TBC1D1: variants seen among roughly 807,000 people sequenced by gnomAD.
TBC1D1 encodes the protein TBC1 (tre-2/USP6, BUB2, cdc16) domain family, member 1.
Under a neutral mutation model 125.6 loss-of-function variants are expected in TBC1D1, and 89 were observed. The observed-to-expected ratio is 0.71, with a 90% CI of 0.60 to 0.85. The LOEUF (loss-of-function observed/expected upper bound fraction) is 0.85, where lower values mean the gene tolerates loss of function less well. Among genes scored for constraint, TBC1D1 ranks in the 40% least tolerant of loss-of-function variants. The probability of loss-of-function intolerance (pLI) is 0.00; values close to 1 mark genes in which losing one functional copy is unlikely to be tolerated. For missense variants in TBC1D1, 1,377 were observed against 1,469.2 expected, an observed-to-expected ratio of 0.94 and a Z score of 1.03; for synonymous variants, 565 against 564.1, an observed-to-expected ratio of 1.00 and a Z score of -0.02.
intron 2 of TBC1D1, among the ~76,000 whole-genome samples, chr4:38,009,225 A>T (rs1740965975): frequency 6.6e-6 from 1 of 151,976 alleles, no homozygotes; most frequent in African/African-American, 2.4e-5. Context: ...ATTACGTAGC[A>T]TTTTTTTTGT....
At chr4:38,094,170 C>G (rs766572873) in intron 13 of TBC1D1, among the ~76,000 whole-genome samples, 2 of 151,982 alleles carry the variant, frequency 1.3e-5, no homozygotes, top group East Asian at 1.9e-4. Context: ...TCTGAGCTTT[C>G]AAGAGATGGT....
chr4:38,108,996 T>A (rs955139877), intron 15 of TBC1D1, among the ~76,000 whole-genome samples: 3 of 152,154 alleles, frequency 2.0e-5, no homozygotes, highest in Non-Finnish European at 4.4e-5. Flanking sequence ...AGCAGCATCG[T>A]GCACTTTGAG....
chr4:38,044,477 G>A lies in TBC1D1; in HGVS notation c.1529G>A (p.Ser510Asn), dbSNP rs1415467854. 1 of 1,610,608 alleles carries A rather than the reference G, an allele frequency of 6.2e-7. No homozygotes were observed. The highest frequency in any genetic ancestry group is 1.3e-5 in the African/African-American group (1 of 74,882). The change falls in exon 9 of 20, where the codon AGT (serine) becomes AAT (asparagine). Residue 510 changes from serine (S) to asparagine (N), a missense_variant. Physicochemically the swap from Ser to Asn is conservative, Grantham distance 46. Coordinates refer to ENST00000261439, the MANE Select transcript of TBC1D1 (RefSeq NM_015173.4). ...AGATCTTTAACAGAGTCTTTAGAAA[G>A]TATTTTGTCCCGGGTAAGTAGCATA...
intron 2 of TBC1D1, among the ~76,000 whole-genome samples, chr4:37,907,643 C>T (rs1717616902): frequency 6.6e-6 from 1 of 152,144 alleles, no homozygotes; most frequent in African/African-American, 2.4e-5. Context: ...CCTTTGAGTC[C>T]ATGGTAAGTA....
At position 38,014,926 on chromosome 4, in the gene TBC1D1, A is replaced by G. The variant is rs913023618; in HGVS notation, c.835A>G (p.Ile279Val). ...GAACCACCTCATTAGCGGACACAAT[A>G]TTGTGCAGCCCACAGATATCGAGGA... The change falls in exon 3 of 20, where the codon ATT becomes GTT. Residue 279 changes from isoleucine (I) to valine (V), a missense_variant. By Grantham distance (29) the Ile-to-Val change is conservative (BLOSUM62 3). Coordinates refer to ENST00000261439, the MANE Select transcript of TBC1D1 (RefSeq NM_015173.4). This position sits in a 1 kb window ranked among gnomAD's most constrained non-coding sequence, Gnocchi z 5.1. 2.5e-6 allele frequency: 4 copies of G among 1,581,866 alleles called. No homozygotes were observed. The highest frequency in any genetic ancestry group is 3.4e-6 in the Non-Finnish European group (4 of 1,160,194).
intron 17 of TBC1D1, among the ~76,000 whole-genome samples, chr4:38,119,087 G>C (rs1763443622): frequency 6.6e-6 from 1 of 152,054 alleles, no homozygotes; most frequent in Non-Finnish European, 1.5e-5. Context: ...AAAAATGATA[G>C]TTATTATATA....
At chr4:38,100,788 A>G (rs1760182154) in intron 14 of TBC1D1, among the ~76,000 whole-genome samples, 1 of 152,216 alleles carries the variant, frequency 6.6e-6, no homozygotes, top group Non-Finnish European at 1.5e-5. Context: ...TGGCCCAGTG[A>G]GACTTTTGAA....
At chr4:37,984,589 A>G (rs1337743395) in intron 2 of TBC1D1, among the ~76,000 whole-genome samples, 4 of 152,194 alleles carry the variant, frequency 2.6e-5, no homozygotes, top group Non-Finnish European at 5.9e-5. Flanking sequence ...CACACCTGTG[A>G]TCCCAGCACT....
intron 2 of TBC1D1, among the ~76,000 whole-genome samples, chr4:37,958,697 T>C (rs1729373361): frequency 6.6e-6 from 1 of 152,204 alleles, no homozygotes; most frequent in African/African-American, 2.4e-5. Flanking sequence ...CAGAGTACTA[T>C]TAGAAGGCTG....
At chr4:38,068,370 T>C (rs914811105) in intron 12 of TBC1D1, among the ~76,000 whole-genome samples, 2 of 152,142 alleles carry the variant, frequency 1.3e-5, no homozygotes, top group Non-Finnish European at 2.9e-5. Flanking sequence ...GCATAGATCA[T>C]TTCCTTTTGC....
intron 2 of TBC1D1, among the ~76,000 whole-genome samples, chr4:38,003,227 C>G (rs1578224463): frequency 6.6e-6 from 1 of 152,176 alleles, no homozygotes; most frequent in Admixed American, 6.5e-5. Context: ...TTTGATACCA[C>G]TCACAGACCT....
rs1713175937 is a variant in TBC1D1 at position 37,891,328 on chromosome 4, T to C, written c.-114T>C. 1 of 151,988 alleles carries C rather than the reference T, an allele frequency of 6.6e-6. No individual in the cohort carries two copies. Among genetic ancestry groups the C allele is most frequent in the South Asian group, 2.1e-4 (1 of 4,830 alleles). The allele number at this position is 151,988 out of a possible 1,614,324, so 9.4% of individuals were successfully genotyped here. On this transcript the variant is annotated 5_prime_UTR_variant, in exon 1 of 20. Transcript: ENST00000261439. ...TGCGCGTCCCGGCCCGGCCCCGGGC[T>C]CTGAGCGCGCCGCGGCACAGGTAAG... is the stretch of plus-strand genomic sequence containing the variant.
In TBC1D1 at chr4:38,052,653, C is replaced by T. The variant is rs148604428; in HGVS notation, c.1911-1546C>T. Among the ~76,000 whole-genome samples the T allele has an allele frequency of 5.1e-3, 768 of 151,458 alleles. 4 individuals carry two copies. Among genetic ancestry groups the T allele is most frequent in the African/African-American group, 0.017 (696 of 41,242 alleles). On this transcript the variant is annotated intron_variant, in intron 11 of 19. Transcript: ENST00000261439. ...CCCTGCTGCAAATTGTTTTTTTATA[C>T]TTATTTTCACATTTCCTTGCCCTAG... is the stretch of plus-strand genomic sequence containing the variant.
chr4:38,113,286 C>T (rs916250739), intron 15 of TBC1D1, among the ~76,000 whole-genome samples: 5 of 152,152 alleles, frequency 3.3e-5, no homozygotes, highest in Non-Finnish European at 7.4e-5. Context: ...CCAGCTCTGC[C>T]CCCACCATCT....
In TBC1D1 at chr4:38,087,950, T is replaced by C. The variant is rs1326638312; in HGVS notation, c.2051-1982T>C. 2.0e-5 allele frequency among the ~76,000 whole-genome samples: 3 copies of C among 149,842 alleles called. No homozygotes were observed. The East Asian group carries it at 5.8e-4, about 29-fold the overall frequency. On this transcript the variant is annotated intron_variant, in intron 12 of 19. Transcript: ENST00000261439. ...TTGCCTGGGTGGGTCCTGGGTTCTC[T>C]TGACGCACACGAGATTGTGAGAGTG...
rs528792879 is a variant in TBC1D1 at position 37,946,761 on chromosome 4, C to T, written c.417+44249C>T. ...GAGAAAGTGGGAGTTGCGGCAGTGT[C>T]GATTGTAGTTGTCCTTCTGCCTACA... On this transcript the variant is annotated intron_variant, in intron 2 of 19. Coordinates refer to ENST00000261439, the MANE Select transcript of TBC1D1 (RefSeq NM_015173.4). 3.9e-5 allele frequency among the ~76,000 whole-genome samples: 6 copies of T among 152,218 alleles called. No individual in the cohort carries two copies. The East Asian group carries it at 1.2e-3, about 29-fold the overall frequency.
At chr4:37,997,431 C>T (rs1344896821) in intron 2 of TBC1D1, among the ~76,000 whole-genome samples, 4 of 152,158 alleles carry the variant, frequency 2.6e-5, no homozygotes, top group East Asian at 3.8e-4. Context: ...TATGCCGTTT[C>T]ACTTGTACAT....
intron 13 of TBC1D1, among the ~76,000 whole-genome samples, chr4:38,093,022 C>G (rs920331867): frequency 6.6e-6 from 1 of 152,200 alleles, no homozygotes; most frequent in East Asian, 1.9e-4. Flanking sequence ...ATAATGGCCC[C>G]GGGCTAAGAA....
At chr4:37,957,058 C>T (rs2152326860) in intron 2 of TBC1D1, among the ~76,000 whole-genome samples, 1 of 152,174 alleles carries the variant, frequency 6.6e-6, no homozygotes, top group South Asian at 2.1e-4. Context: ...ATTATCTGCA[C>T]CATGGCCTCC....
Sources: allele counts gnomAD v4.1 joint callset (sites outside exome capture counted in the v4.1 genomes callset), GRCh38; gene constraint gnomAD v4.1.1; non-coding constraint Gnocchi (gnomAD v3.1); transcripts MANE v1.5; gene names NCBI Gene and HGNC (gene_info 2026-07-23, HGNC 2026-07-21).